Variants in COL8A1 observed in about 807,000 individuals in gnomAD.
COL8A1 encodes collagen type VIII alpha 1 chain, also known as collagen alpha-1(VIII) chain.
COL8A1 carries 21 observed loss-of-function variants against 42.7 expected under a neutral mutation model. The observed-to-expected ratio is 0.49, with a 90% CI of 0.35 to 0.71. The LOEUF (loss-of-function observed/expected upper bound fraction) is 0.71, where lower values mean the gene tolerates loss of function less well. Ranked by LOEUF, COL8A1 falls within the 30% of genes least tolerant of loss-of-function variation. COL8A1 has a pLI of 0.01. For synonymous variants in COL8A1, 367 were observed against 369.1 expected (o/e 0.99, Z 0.06); for missense variants, 788 against 962.4 (o/e 0.82, Z 2.40).
chr3:99,719,032 T>C (rs1036497119), intron 1 of COL8A1, among the ~76,000 whole-genome samples: 1 of 152,084 alleles, frequency 6.6e-6, no homozygotes, highest in Non-Finnish European at 1.5e-5. Flanking sequence ...TATAACTCTG[T>C]GTGGGCAAGT....
At chr3:99,708,110 T>C (rs557028266) in intron 1 of COL8A1, among the ~76,000 whole-genome samples, 17 of 152,276 alleles carry the variant, frequency 1.1e-4, no homozygotes, top group African/African-American at 3.1e-4. Context: ...CTGTGTCTGA[T>C]TTCTTTTTTC....
chr3:99,646,303 T>C (rs751482701), intron 1 of COL8A1, among the ~76,000 whole-genome samples: 2 of 152,104 alleles, frequency 1.3e-5, no homozygotes, highest in Non-Finnish European at 1.5e-5. Flanking sequence ...TCCTCTAAGA[T>C]CATTTTTTGT....
chr3:99,658,815 C>G (rs1285445500), intron 1 of COL8A1, among the ~76,000 whole-genome samples: 1 of 152,108 alleles, frequency 6.6e-6, no homozygotes, highest in African/African-American at 2.4e-5. Context: ...TAAGACAGGC[C>G]CTTAGCAATA....
chr3:99,774,647 G>A (rs187671781), intron 2 of COL8A1, among the ~76,000 whole-genome samples: 14 of 152,200 alleles, frequency 9.2e-5, no homozygotes, highest in Admixed American at 3.3e-4. Context: ...GTGAACAAGA[G>A]TTTAATGTTT....
intron 1 of COL8A1, among the ~76,000 whole-genome samples, chr3:99,696,429 C>G (rs1006367155): frequency 6.6e-6 from 1 of 152,128 alleles, no homozygotes; most frequent in African/African-American, 2.4e-5. Context: ...AAGCCTGGAC[C>G]GAAGAGGACA....
At chr3:99,740,959 T>C (rs1027180425) in intron 1 of COL8A1, among the ~76,000 whole-genome samples, 1 of 152,208 alleles carries the variant, frequency 6.6e-6, no homozygotes, top group Non-Finnish European at 1.5e-5. Flanking sequence ...TTTTCTATAT[T>C]ATTTACCTTA....
chr3:99,761,361 G>A (rs1048751927), intron 2 of COL8A1, among the ~76,000 whole-genome samples: 5 of 152,116 alleles, frequency 3.3e-5, no homozygotes, highest in African/African-American at 9.7e-5. Flanking sequence ...GAGGTTTATG[G>A]TGATTCTGTA....
intron 2 of COL8A1, among the ~76,000 whole-genome samples, chr3:99,788,916 AT>A (rs989248107): frequency 1.3e-5 from 2 of 152,156 alleles, no homozygotes; most frequent in African/African-American, 4.8e-5. Flanking sequence ...TTTACTAGAT[AT>A]CCTTTGCTAC....
intron 1 of COL8A1, among the ~76,000 whole-genome samples, chr3:99,686,232 G>A (rs1231909456): frequency 6.6e-6 from 1 of 152,092 alleles, no homozygotes; most frequent in Non-Finnish European, 1.5e-5. Context: ...AAGACCTGCA[G>A]ACATCTTTTA....
chr3:99,793,366 T>C (rs1432094291), intron 3 of COL8A1, among the ~76,000 whole-genome samples: 5 of 152,176 alleles, frequency 3.3e-5, no homozygotes, highest in Non-Finnish European at 5.9e-5. Context: ...TCATGAATCA[T>C]AGTATCACTT....
At chr3:99,727,742 A>G (rs1226530986) in intron 1 of COL8A1, among the ~76,000 whole-genome samples, 6 of 152,090 alleles carry the variant, frequency 3.9e-5, no homozygotes, top group Admixed American at 1.3e-4. Flanking sequence ...AAAATCCTCA[A>G]TAAAATACTG....
At chr3:99,671,222 ATTGT>A (rs779225858) in intron 1 of COL8A1, among the ~76,000 whole-genome samples, 22 of 152,180 alleles carry the variant, frequency 1.4e-4, no homozygotes, top group Middle Eastern at 6.8e-3. Context: ...ATTTCAAAAC[ATTGT>A]TTGAGAGGAC....
At chr3:99,654,236 G>A (rs1937942677) in intron 1 of COL8A1, among the ~76,000 whole-genome samples, 1 of 152,134 alleles carries the variant, frequency 6.6e-6, no homozygotes, top group African/African-American at 2.4e-5. Context: ...ATTAGATGGT[G>A]CCCACCCAGA....
intron 1 of COL8A1, among the ~76,000 whole-genome samples, chr3:99,703,097 T>A (rs1295708039): frequency 1.3e-5 from 2 of 152,198 alleles, no homozygotes; most frequent in Non-Finnish European, 2.9e-5. Flanking sequence ...GACCTCATAA[T>A]GCATCAGCAA....
chr3:99,753,697 A>C (rs772514079), intron 2 of COL8A1, among the ~76,000 whole-genome samples: 1 of 152,234 alleles, frequency 6.6e-6, no homozygotes, highest in African/African-American at 2.4e-5. Context: ...TTAAGGATAA[A>C]GTCTAATGTG....
chr3:99,649,676 T>C (rs1435376132), intron 1 of COL8A1, among the ~76,000 whole-genome samples: 1 of 152,198 alleles, frequency 6.6e-6, no homozygotes, highest in African/African-American at 2.4e-5. Flanking sequence ...CAGTCTTCCG[T>C]GTGGTTTTCT....
At chr3:99,650,330 G>A (rs1357787149) in intron 1 of COL8A1, among the ~76,000 whole-genome samples, 2 of 152,196 alleles carry the variant, frequency 1.3e-5, no homozygotes, top group Non-Finnish European at 2.9e-5. Context: ...AGTCAGGACT[G>A]TCTAATAGAA....
chr3:99,642,533 A>G (rs1937521356), intron 1 of COL8A1, among the ~76,000 whole-genome samples: 1 of 152,240 alleles, frequency 6.6e-6, no homozygotes, highest in Admixed American at 6.5e-5. Flanking sequence ...TATGTAAAAT[A>G]TGAACACACA....
chr3:99,779,475 A>G (rs982440976), intron 2 of COL8A1, among the ~76,000 whole-genome samples: 1 of 152,170 alleles, frequency 6.6e-6, no homozygotes, highest in African/African-American at 2.4e-5. Flanking sequence ...ACCTGCTGCT[A>G]TCACCTGGCA....
Sources: allele counts gnomAD v4.1 joint callset (sites outside exome capture counted in the v4.1 genomes callset), GRCh38; gene constraint gnomAD v4.1.1; transcripts MANE v1.5; gene names NCBI Gene and HGNC (gene_info 2026-07-23, HGNC 2026-07-21).